Variants in WDFY3 observed in about 807,000 individuals in gnomAD.
WDFY3 encodes WD repeat and FYVE domain containing 3.
A neutral mutation model predicts 409.6 loss-of-function variants in WDFY3; 66 were observed. That is an observed-to-expected ratio of 0.16 (90% CI 0.13 to 0.20). The LOEUF is 0.20. Ranked by LOEUF, WDFY3 falls within the 10% of genes least tolerant of loss-of-function variation. WDFY3 has a pLI of 1.00. For missense variants in WDFY3, 3,031 were observed against 4,298.1 expected (o/e 0.71, Z 8.24); for synonymous variants, 1,521 against 1,537.1 (o/e 0.99, Z 0.25).
chr4:84,841,771 G>C (rs1391411211), intron 5 of WDFY3, among the ~76,000 whole-genome samples: 2 of 152,198 alleles, frequency 1.3e-5, no homozygotes, highest in African/African-American at 4.8e-5. Context: ...AATTACGAAG[G>C]AGGGTAAGCT....
Position 84,787,511 on chromosome 4 carries a change from A to G in WDFY3, c.3872T>C (p.Val1291Ala). 6.2e-7 allele frequency: 1 copy of G among 1,614,176 alleles called. No homozygotes were observed. Among genetic ancestry groups the G allele is most frequent in the Non-Finnish European group, 8.5e-7 (1 of 1,180,022 alleles). The change falls in exon 23 of 68, where the codon GTT becomes GCT. Residue 1291 changes from valine to alanine, a missense_variant. Physicochemically the swap from Val to Ala is moderately conservative, Grantham distance 64. This residue lies in a region of WDFY3 where 1,322 missense variants were observed against 1,697.9 expected (regional missense o/e 0.78). Transcript: ENST00000295888. ...CATACATACAGCCTGAAAGCTTCCAACATAATTTGGTCCAAGTTCATAAAT... is the reference window on the plus strand; with the variant it reads ...CATACATACAGCCTGAAAGCTTCCAGCATAATTTGGTCCAAGTTCATAAAT... ...TTIYELGPNYVGSFQAVCMPC... is the reference protein window; with the variant it reads ...TTIYELGPNYAGSFQAVCMPC...
chr4:84,759,028 G>C (rs538492184), intron 32 of WDFY3, among the ~76,000 whole-genome samples: 18 of 152,198 alleles, frequency 1.2e-4, no homozygotes, highest in African/African-American at 2.6e-4. Context: ...ATATGGCTAG[G>C]CAGTTTTCCC....
chr4:84,884,085 C>A (rs1763886563), intron 3 of WDFY3, among the ~76,000 whole-genome samples: 1 of 152,002 alleles, frequency 6.6e-6, no homozygotes, highest in Admixed American at 6.6e-5. Flanking sequence ...TTTAGTTTTT[C>A]TTTCTTTGTG....
intron 44 of WDFY3, among the ~76,000 whole-genome samples, chr4:84,728,216 AAAACAAAACAAAC>A (rs1560610026): frequency 6.6e-6 from 1 of 152,142 alleles, no homozygotes; most frequent in African/African-American, 2.4e-5. Context: ...AAAACAAAAC[AAAACAAAACAAAC>A]AAACAAAAAC....
chr4:84,779,598 T>C (rs1156855505), intron 26 of WDFY3, among the ~76,000 whole-genome samples: 1 of 151,982 alleles, frequency 6.6e-6, no homozygotes, highest in Non-Finnish European at 1.5e-5. Context: ...TTTTTAGTTT[T>C]CAGGAATAGC....
At chr4:84,952,466 TACTGAATGA>T (rs1773727610) in intron 1 of WDFY3, among the ~76,000 whole-genome samples, 1 of 152,200 alleles carries the variant, frequency 6.6e-6, no homozygotes, top group Non-Finnish European at 1.5e-5. Flanking sequence ...CCATCTGCTA[TACTGAATGA>T]CCTGAGGCAA....
intron 51 of WDFY3, among the ~76,000 whole-genome samples, 199 bp downstream of exon 51, chr4:84,712,960 A>C (rs140805087): frequency 9.1e-4 from 139 of 152,340 alleles, no homozygotes; most frequent in Non-Finnish European, 1.0e-3. Context: ...AAGGTAATTG[A>C]TCAAAATGTG....
At chr4:84,955,666 C>T (rs552505833) in intron 1 of WDFY3, among the ~76,000 whole-genome samples, 1 of 151,944 alleles carries the variant, frequency 6.6e-6, no homozygotes, top group East Asian at 1.9e-4. Context: ...TTTGCAACTT[C>T]CCAAGTTTAT....
At chr4:84,886,550 G>T (rs1364777344) in intron 3 of WDFY3, 1 of 151,010 alleles carries the variant, frequency 6.6e-6, no homozygotes, top group Non-Finnish European at 1.5e-5. Context: ...CAGCCATTTT[G>T]GTCCTTTTAA....
chr4:84,729,155 T>C (rs1736149129), intron 44 of WDFY3, among the ~76,000 whole-genome samples: 3 of 152,126 alleles, frequency 2.0e-5, no homozygotes. Context: ...CAAATAATAG[T>C]AAATGTGTTT....
chr4:84,717,586 T>C (rs958565032), intron 48 of WDFY3, among the ~76,000 whole-genome samples: 1 of 152,184 alleles, frequency 6.6e-6, no homozygotes. Context: ...TTCTAAGCCC[T>C]AAGCTTCTTA....
chr4:84,838,522 A>G (rs1027610075), intron 6 of WDFY3, among the ~76,000 whole-genome samples: 1 of 152,202 alleles, frequency 6.6e-6, no homozygotes, highest in Admixed American at 6.5e-5. Flanking sequence ...TTAAATATAC[A>G]GAGCCAGAAG....
chr4:84,810,303 T>C lies in WDFY3; in HGVS notation c.1929A>G (p.Thr643=), dbSNP rs373849226. ...CAAATCCTCCAACTTTCCTAAAAAC[T>C]GTTCTTGAACGATGGCTTTCTCGAA... ...SVLRESHRSR[T]VFRKVGGFVY... Residue 643 remains threonine, a synonymous_variant, in exon 14 of 68, where the codon ACA becomes ACG. Coordinates refer to ENST00000295888, the MANE Select transcript of WDFY3 (RefSeq NM_014991.6). 4 of 1,612,834 alleles carry C rather than the reference T, an allele frequency of 2.5e-6. No homozygotes were observed. The Admixed American group carries it at 5.0e-5, about 20-fold the overall frequency.
At chr4:84,727,238 A>C (rs1012167143) in intron 44 of WDFY3, among the ~76,000 whole-genome samples, 1 of 144,224 alleles carries the variant, frequency 6.9e-6, no homozygotes. Flanking sequence ...TACATTGTTT[A>C]AAAAAAAAAA....
chr4:84,724,863 G>A (rs563968662), intron 45 of WDFY3, among the ~76,000 whole-genome samples: 7 of 152,288 alleles, frequency 4.6e-5, no homozygotes, highest in African/African-American at 1.7e-4. Context: ...TTCTGTGTTA[G>A]TGCAGTGTGT....
Position 84,740,177 on chromosome 4 carries a change from A to C in WDFY3, c.6464+10T>G. The C allele has an allele frequency of 6.2e-7, 1 of 1,613,606 alleles. No individual in the cohort carries two copies. The highest frequency in any genetic ancestry group is 8.5e-7 in the Non-Finnish European group (1 of 1,179,614). On this transcript the variant is annotated intron_variant, in intron 39 of 67. Transcript: ENST00000295888. ...AATTTAACATGGCAAACTGAACCTA[A>C]AGGATTTACCTTCCAACATGTAGAT...
intron 30 of WDFY3, among the ~76,000 whole-genome samples, chr4:84,769,588 TTG>T (rs1021394685): frequency 3.4e-4 from 52 of 152,008 alleles, no homozygotes; most frequent in African/African-American, 1.3e-3. Context: ...CTAATTTTTT[TTG>T]TGTGTATTTT....
intron 42 of WDFY3, among the ~76,000 whole-genome samples, chr4:84,735,470 A>G (rs1295702701): frequency 1.3e-5 from 2 of 152,186 alleles, no homozygotes; most frequent in Non-Finnish European, 2.9e-5. Flanking sequence ...GAGGTCAATT[A>G]TAAGAGGGTA....
At chr4:84,831,185 CAAA>C (rs56810528) in intron 8 of WDFY3, among the ~76,000 whole-genome samples, 3 of 103,320 alleles carry the variant, frequency 2.9e-5, no homozygotes, top group African/African-American at 4.6e-5. Context: ...AGACTCCATC[CAAA>C]AAAAAAAAAA....
Sources: allele counts gnomAD v4.1 joint callset (sites outside exome capture counted in the v4.1 genomes callset), GRCh38; gene constraint gnomAD v4.1.1; regional missense constraint gnomAD v4.1.1; transcripts MANE v1.5; gene names NCBI Gene and HGNC (gene_info 2026-07-23, HGNC 2026-07-21).